FAT3: variants seen among roughly 807,000 people sequenced by gnomAD.
FAT3 encodes the protein protocadherin Fat 3.
Under a neutral mutation model 310.2 loss-of-function variants are expected in FAT3, and 95 were observed. The ratio of observed to expected loss-of-function variants is 0.31; its 90% CI spans 0.26 to 0.36. The LOEUF is 0.36. FAT3 is among the 10% of genes least tolerant of loss of function. The pLI is 1.00. For synonymous variants in FAT3, 2,314 were observed against 2,192.9 expected, an observed-to-expected ratio of 1.06 and a Z score of -1.54; for missense variants, 5,408 against 5,715.6, an observed-to-expected ratio of 0.95 and a Z score of 1.74.
At chr11:92,543,454 C>T (rs943639367) in intron 3 of FAT3, among the ~76,000 whole-genome samples, 2 of 152,084 alleles carry the variant, frequency 1.3e-5, no homozygotes, top group East Asian at 1.9e-4. Flanking sequence ...TAAATAGGTA[C>T]AATTAATGTA....
intron 1 of FAT3, among the ~76,000 whole-genome samples, chr11:92,272,159 A>G (rs982403990): frequency 1.3e-5 from 2 of 152,122 alleles, no homozygotes; most frequent in Admixed American, 6.6e-5. Context: ...TGGAGAGGTG[A>G]TGGAAGGAGC....
chr11:92,772,408 A>G (rs1946482127), intron 6 of FAT3, among the ~76,000 whole-genome samples: 1 of 152,034 alleles, frequency 6.6e-6, no homozygotes, highest in Admixed American at 6.6e-5. Flanking sequence ...AAGACACTCA[A>G]ATCAGCCTTC....
intron 1 of FAT3, among the ~76,000 whole-genome samples, chr11:92,273,813 T>G (rs1251077531): frequency 6.6e-6 from 1 of 152,160 alleles, no homozygotes; most frequent in Non-Finnish European, 1.5e-5. Context: ...TGTCCTTATC[T>G]CCTCATTTGC....
At chr11:92,240,008 G>A (rs1590992463) in intron 1 of FAT3, among the ~76,000 whole-genome samples, 1 of 152,046 alleles carries the variant, frequency 6.6e-6, no homozygotes, top group Non-Finnish European at 1.5e-5. Flanking sequence ...GAATCACTAA[G>A]GTAAGAGTTA....
intron 2 of FAT3, among the ~76,000 whole-genome samples, chr11:92,430,591 T>C (rs1404909287): frequency 1.3e-5 from 2 of 152,062 alleles, no homozygotes; most frequent in Non-Finnish European, 2.9e-5. Context: ...ACATGTGTCA[T>C]GTTGGTGTGC....
At chr11:92,492,904 C>T (rs771349768) in intron 2 of FAT3, among the ~76,000 whole-genome samples, 5 of 152,070 alleles carry the variant, frequency 3.3e-5, no homozygotes, top group Admixed American at 1.3e-4. Flanking sequence ...GTGGGTTTCA[C>T]TGCTGGCAAA....
intron 2 of FAT3, among the ~76,000 whole-genome samples, chr11:92,472,187 G>T (rs1951928257): frequency 6.6e-6 from 1 of 151,880 alleles, no homozygotes; most frequent in Admixed American, 6.6e-5. Context: ...GTGTGTGGGT[G>T]TATATTTTTT....
intron 2 of FAT3, among the ~76,000 whole-genome samples, chr11:92,446,921 T>C (rs986818229): frequency 6.6e-6 from 1 of 152,190 alleles, no homozygotes; most frequent in Non-Finnish European, 1.5e-5. Flanking sequence ...TTTGAGTTGA[T>C]AGATTTGAAC....
chr11:92,658,763 C>A (rs532528952), intron 3 of FAT3, among the ~76,000 whole-genome samples: 4 of 152,276 alleles, frequency 2.6e-5, no homozygotes, highest in Admixed American at 2.0e-4. Flanking sequence ...GGGCCCATCA[C>A]ATTTTCTGAA....
intron 2 of FAT3, among the ~76,000 whole-genome samples, chr11:92,415,401 G>A (rs1170271879): frequency 6.6e-6 from 1 of 152,110 alleles, no homozygotes; most frequent in Non-Finnish European, 1.5e-5. Context: ...AATAAGGATG[G>A]GCATGGAGTC....
intron 2 of FAT3, among the ~76,000 whole-genome samples, chr11:92,505,916 C>G (rs1441465917): frequency 6.6e-6 from 1 of 152,072 alleles, no homozygotes; most frequent in Non-Finnish European, 1.5e-5. Flanking sequence ...CAGGAAGGAT[C>G]CTCTCTGCCC....
At chr11:92,274,533 TA>T (rs1275891487) in intron 1 of FAT3, among the ~76,000 whole-genome samples, 1 of 152,064 alleles carries the variant, frequency 6.6e-6, no homozygotes, top group Non-Finnish European at 1.5e-5. Context: ...TTGTCTTCTG[TA>T]AATACAATAT....
intron 2 of FAT3, among the ~76,000 whole-genome samples, chr11:92,427,855 T>A (rs1213991682): frequency 6.6e-6 from 1 of 152,018 alleles, no homozygotes; most frequent in Non-Finnish European, 1.5e-5. Context: ...CTCTGTCAGG[T>A]TTTGGTATCA....
chr11:92,761,273 A>T (rs1318743171), intron 4 of FAT3, among the ~76,000 whole-genome samples: 2 of 152,210 alleles, frequency 1.3e-5, no homozygotes, highest in Non-Finnish European at 2.9e-5. Context: ...ATATGGTGGA[A>T]GGGAAAAGCA....
intron 4 of FAT3, among the ~76,000 whole-genome samples, chr11:92,721,566 C>A (rs150435496): frequency 7.7e-4 from 118 of 152,258 alleles, no homozygotes; most frequent in South Asian, 4.8e-3. Flanking sequence ...ATTAAAGGCG[C>A]AAACCTCAAC....
intron 3 of FAT3, among the ~76,000 whole-genome samples, chr11:92,621,954 G>T (rs943813040): frequency 6.6e-6 from 1 of 152,114 alleles, no homozygotes; most frequent in African/African-American, 2.4e-5. Flanking sequence ...AACAACCCAC[G>T]TAATTCGAAT....
intron 13 of FAT3, among the ~76,000 whole-genome samples, chr11:92,811,948 A>C (rs1238295749): frequency 6.6e-6 from 1 of 152,206 alleles, no homozygotes; most frequent in Non-Finnish European, 1.5e-5. Flanking sequence ...CTAACAACAC[A>C]GACTGAGCAC....
chr11:92,658,359 T>TA (rs1179826607), intron 3 of FAT3, among the ~76,000 whole-genome samples: 3 of 152,376 alleles, frequency 2.0e-5, no homozygotes, highest in South Asian at 4.1e-4. Context: ...TCTTCTCAGT[T>TA]ACACTGGCCG....
chr11:92,334,139 G>T (rs868318905), intron 1 of FAT3, among the ~76,000 whole-genome samples: 15 of 152,170 alleles, frequency 9.9e-5, no homozygotes, highest in Non-Finnish European at 1.9e-4. Flanking sequence ...ACTTTGAGAG[G>T]CCGAGGCAGG....
Sources: gnomAD v4.1 joint callset for allele counts (sites outside exome capture counted in the v4.1 genomes callset) on GRCh38, gnomAD v4.1.1 for gene constraint, MANE v1.5 for transcripts, NCBI Gene and HGNC (gene_info 2026-07-23, HGNC 2026-07-21) for gene names.